Variants in RNGTT observed in about 807,000 individuals in gnomAD.
RNGTT encodes the protein mRNA-capping enzyme.
In RNGTT, 33 loss-of-function variants were observed where a neutral mutation model predicts 79.3. That is an observed-to-expected ratio of 0.42 (90% CI 0.32 to 0.56). The LOEUF (loss-of-function observed/expected upper bound fraction) is 0.56. Ranked by LOEUF, RNGTT falls within the 20% of genes least tolerant of loss-of-function variation. RNGTT has a pLI of 0.17. For synonymous variants in RNGTT, 222 were observed against 235.9 expected (o/e 0.94, Z 0.54); for missense variants, 497 against 739.1 (o/e 0.67, Z 3.80).
chr6:88,658,778 C>T (rs1375269963), intron 14 of RNGTT, among the ~76,000 whole-genome samples: 1 of 152,218 alleles, frequency 6.6e-6, no homozygotes, highest in East Asian at 1.9e-4. Flanking sequence ...AGTCTTCTGG[C>T]CTCCATGTTT....
chr6:88,922,226 T>C (rs1257095223), intron 4 of RNGTT, among the ~76,000 whole-genome samples: 1 of 151,854 alleles, frequency 6.6e-6, no homozygotes, highest in Non-Finnish European at 1.5e-5. Context: ...TTTTAATTTA[T>C]ACATAATAAC....
intron 14 of RNGTT, among the ~76,000 whole-genome samples, chr6:88,670,755 C>A (rs1774605209): frequency 6.7e-6 from 1 of 148,620 alleles, no homozygotes. Flanking sequence ...AGTCATGTAG[C>A]CCCCACTTGC....
At chr6:88,785,142 C>G (rs1053835549) in intron 12 of RNGTT, among the ~76,000 whole-genome samples, 1 of 152,094 alleles carries the variant, frequency 6.6e-6, no homozygotes, top group East Asian at 1.9e-4. Context: ...ATCCCTAATT[C>G]ATTAAGTGTT....
At chr6:88,940,797 CA>C (rs1351271278) in intron 2 of RNGTT, among the ~76,000 whole-genome samples, 1 of 152,052 alleles carries the variant, frequency 6.6e-6, no homozygotes, top group Non-Finnish European at 1.5e-5. Flanking sequence ...CACACACACA[CA>C]AATGCATATC....
intron 1 of RNGTT, among the ~76,000 whole-genome samples, chr6:88,953,862 T>G (rs1434755758): frequency 1.3e-5 from 2 of 152,182 alleles, no homozygotes; most frequent in Non-Finnish European, 2.9e-5. Context: ...AATTTTGTAT[T>G]CAGCAAAACT....
At chr6:88,924,907 G>T (rs1255213781) in intron 4 of RNGTT, among the ~76,000 whole-genome samples, 1 of 151,862 alleles carries the variant, frequency 6.6e-6, no homozygotes, top group African/African-American at 2.4e-5. Flanking sequence ...TATTTACAGA[G>T]ACAGGGTCTC....
intron 2 of RNGTT, among the ~76,000 whole-genome samples, chr6:88,932,038 A>G (rs1784528225): frequency 6.6e-6 from 1 of 152,150 alleles, no homozygotes; most frequent in Non-Finnish European, 1.5e-5. Context: ...GGCAGGACAG[A>G]GCCATATTTC....
chr6:88,681,450 A>G (rs1247101072), intron 13 of RNGTT, among the ~76,000 whole-genome samples: 1 of 152,162 alleles, frequency 6.6e-6, no homozygotes, highest in Non-Finnish European at 1.5e-5. Flanking sequence ...ATATTATATT[A>G]CCACCTTTGT....
chr6:88,675,653 T>TA (rs11374106), intron 14 of RNGTT, among the ~76,000 whole-genome samples: 11,947 of 151,850 alleles, frequency 0.079, 1,592 homozygotes, highest in African/African-American at 0.27. Context: ...TAAAAGCTAC[T>TA]GAACTAATAA....
intron 14 of RNGTT, among the ~76,000 whole-genome samples, chr6:88,637,568 A>G (rs1773144535): frequency 6.6e-6 from 1 of 152,122 alleles, no homozygotes; most frequent in Non-Finnish European, 1.5e-5. Context: ...GGAAATGTAT[A>G]CCAAATTCCA....
At chr6:88,810,559 T>G (rs1253258019) in intron 11 of RNGTT, among the ~76,000 whole-genome samples, 1 of 152,048 alleles carries the variant, frequency 6.6e-6, no homozygotes, top group Non-Finnish European at 1.5e-5. Context: ...TAGCAAAAAG[T>G]CAAAAAGAGA....
At chr6:88,829,462 A>G (rs537416398) in intron 11 of RNGTT, among the ~76,000 whole-genome samples, 4 of 152,340 alleles carry the variant, frequency 2.6e-5, no homozygotes, top group Admixed American at 2.0e-4. Context: ...AAGAAACTGC[A>G]TCAACTAATG....
chr6:88,891,853 C>T lies in RNGTT; in HGVS notation c.747G>A (p.Lys249=). ...KGVTQVTTQP[K]LGEVQQKCHQ... ...GACACTTCTGCTGTACCTCTCCTAA[C>T]TTTGGTTGTGTTGTTACTTGAGTTA... Residue 249 remains lysine, a synonymous_variant, in exon 7 of 16, where the codon AAG becomes AAA. Transcript: ENST00000369485. The T allele has an allele frequency of 6.2e-7, 1 of 1,605,094 alleles. No individual in the cohort carries two copies. The highest frequency in any genetic ancestry group is 1.3e-5 in the African/African-American group (1 of 74,480).
chr6:88,963,562 G>C lies in RNGTT; in HGVS notation c.-153C>G, dbSNP rs1785724306. On this transcript the variant is annotated 5_prime_UTR_variant, in exon 1 of 16. Transcript: ENST00000369485. ...CTCTCCGATCCGGGTAACGTCAGGG[G>C]CGGCGCGCCACTTTCATTCAGGATC... is the stretch of plus-strand genomic sequence containing the variant. 2 of 650,426 alleles carry C rather than the reference G, an allele frequency of 3.1e-6. No individual in the cohort carries two copies. The highest frequency in any genetic ancestry group is 4.9e-6 in the Non-Finnish European group (2 of 410,144). The allele number at this position is 650,426 out of a possible 1,614,324, so 40.3% of individuals were successfully genotyped here. A position where few individuals can be genotyped will look rare whatever the true frequency, so the allele number is the denominator to read the frequency against.
At position 88,664,488 on chromosome 6, in the gene RNGTT, C is replaced by T. The variant is rs80215827; in HGVS notation, c.1506+13865G>A. Among the ~76,000 whole-genome samples, 1,453 of 152,212 alleles carry T rather than the reference C, an allele frequency of 9.5e-3. 21 individuals carry two copies. Among genetic ancestry groups the T allele is most frequent in the African/African-American group, 0.029 (1,202 of 41,510 alleles). On this transcript the variant is annotated intron_variant, in intron 14 of 15. Coordinates refer to ENST00000369485, the MANE Select transcript of RNGTT (RefSeq NM_003800.5). ...GTTTGTAAATACAGATGCAGCAAGC[C>T]GCAGAGAGAGCCGCAAAGAAGGTGA...
intron 12 of RNGTT, among the ~76,000 whole-genome samples, chr6:88,798,365 T>C (rs1779670609): frequency 6.6e-6 from 1 of 151,812 alleles, no homozygotes; most frequent in Non-Finnish European, 1.5e-5. Context: ...CTTGGGGACC[T>C]GAAGTGCGAG....
chr6:88,664,396 G>C (rs1179864148), intron 14 of RNGTT, among the ~76,000 whole-genome samples: 2 of 152,184 alleles, frequency 1.3e-5, no homozygotes, highest in Non-Finnish European at 2.9e-5. Context: ...TTAGGAGAAA[G>C]CTGAAGAAAC....
intron 4 of RNGTT, among the ~76,000 whole-genome samples, chr6:88,921,093 T>A (rs1270072702): frequency 4.6e-5 from 7 of 152,306 alleles, no homozygotes; most frequent in Non-Finnish European, 4.4e-5. Flanking sequence ...CAAGCTTAAG[T>A]AGTCTTAGGA....
intron 4 of RNGTT, among the ~76,000 whole-genome samples, chr6:88,917,108 C>A (rs535904220): frequency 2.0e-5 from 3 of 152,268 alleles, no homozygotes; most frequent in Admixed American, 1.3e-4. Context: ...TTCTAAGAAA[C>A]CGGATTTGTC....
Sources: allele counts gnomAD v4.1 joint callset (sites outside exome capture counted in the v4.1 genomes callset), GRCh38; gene constraint gnomAD v4.1.1; transcripts MANE v1.5; gene names NCBI Gene and HGNC (gene_info 2026-07-23, HGNC 2026-07-21).